Variants in TET1 observed in about 807,000 individuals in gnomAD.
TET1 encodes the protein methylcytosine dioxygenase TET1.
TET1 carries 13 observed loss-of-function variants against 148.7 expected under a neutral mutation model. The observed-to-expected ratio is 0.09, with a 90% confidence interval of 0.06 to 0.14. TET1 has a LOEUF of 0.14. Among genes scored for constraint, TET1 ranks in the 10% least tolerant of loss-of-function variants. The pLI is 1.00. For missense variants in TET1, 2,182 were observed against 2,553.8 expected (o/e 0.85, Z 3.14); for synonymous variants, 907 against 937.2 (o/e 0.97, Z 0.59).
chr10:68,670,421 A>G (rs910684948), intron 7 of TET1, among the ~76,000 whole-genome samples: 4 of 152,206 alleles, frequency 2.6e-5, no homozygotes, highest in African/African-American at 9.7e-5. Context: ...CAGGCTATGA[A>G]ATACAACCTA....
chr10:68,650,437 G>A (rs1020463579), intron 4 of TET1, among the ~76,000 whole-genome samples: 2 of 152,074 alleles, frequency 1.3e-5, no homozygotes, highest in South Asian at 2.1e-4. Context: ...GAGGTCAGGA[G>A]TTCGAGACCA....
intron 2 of TET1, among the ~76,000 whole-genome samples, chr10:68,588,927 G>A (rs1040694111): frequency 1.3e-5 from 2 of 151,794 alleles, no homozygotes; most frequent in African/African-American, 4.8e-5. Context: ...TTTGAGACAA[G>A]CCTGGGTAAC....
chr10:68,682,981 C>G lies in TET1; in HGVS notation c.5052+8C>G, dbSNP rs1480213522. The G allele has an allele frequency of 1.6e-5, 26 of 1,612,152 alleles. No individual in the cohort carries two copies. Among genetic ancestry groups the G allele is most frequent in the Non-Finnish European group, 2.1e-5 (25 of 1,179,726 alleles). On this transcript the variant is annotated splice_region_variant and intron_variant, in intron 10 of 11. Transcript: ENST00000373644. ...AATAATGGAAGCACTGTGGTATGTACCTGTGTGAATTTGTATTCTAAAAGC... is the reference window on the plus strand; with the variant it reads ...AATAATGGAAGCACTGTGGTATGTAGCTGTGTGAATTTGTATTCTAAAAGC...
At position 68,691,745 on chromosome 10, in the gene TET1, T is replaced by C. The variant is rs1288099778; in HGVS notation, c.6342T>C (p.His2114=). ...IPSHKALTLT[H]DNVVTVSPYA... is the part of the protein sequence containing the mutation. ...CTCATAAAGCATTAACATTAACCCA[T>C]GACAATGTTGTCACCGTGTCCCCTT... Residue 2114 remains histidine (H), a synonymous_variant, in exon 12 of 12, where the codon CAT becomes CAC. Coordinates refer to ENST00000373644, the MANE Select transcript of TET1 (RefSeq NM_030625.3). This position sits in a 1 kb window ranked among gnomAD's most constrained non-coding sequence, Gnocchi z 4.4. 2.5e-6 allele frequency: 4 copies of C among 1,614,072 alleles called. No individual in the cohort carries two copies. In the African/African-American group the frequency reaches 4.0e-5, roughly 16 times the overall value.
At chr10:68,661,063 T>C (rs1321761019) in intron 6 of TET1, among the ~76,000 whole-genome samples, 2 of 150,114 alleles carry the variant, frequency 1.3e-5, no homozygotes, top group South Asian at 2.1e-4. Flanking sequence ...AGAGTCTTGC[T>C]CTGTCGCCCA....
chr10:68,653,123 T>C (rs2054964801), intron 6 of TET1, among the ~76,000 whole-genome samples: 1 of 151,942 alleles, frequency 6.6e-6, no homozygotes, highest in Non-Finnish European at 1.5e-5. Flanking sequence ...TTACCACTTG[T>C]AGGTTATAAA....
Position 68,692,756 on chromosome 10 carries a change from C to T in TET1, c.*942C>T, listed in dbSNP as rs200403030. ...TGGAACTAGGTAAGAGTGGTCTCTT[C>T]TTATTGAACAACCTCAATTTAGTTT... On this transcript the variant is annotated 3_prime_UTR_variant, in exon 12 of 12. Coordinates refer to ENST00000373644, the MANE Select transcript of TET1 (RefSeq NM_030625.3). 1 of 230,842 alleles carries T rather than the reference C, an allele frequency of 4.3e-6. No individual in the cohort carries two copies. Among genetic ancestry groups the T allele is most frequent in the East Asian group, 6.2e-5 (1 of 16,108 alleles). 14.3% of individuals were successfully genotyped at this position (230,842 alleles called of 1,614,324 possible).
chr10:68,600,354 T>TG (rs984452845), intron 2 of TET1, among the ~76,000 whole-genome samples: 3 of 152,060 alleles, frequency 2.0e-5, no homozygotes, highest in Non-Finnish European at 4.4e-5. Context: ...GGGGGATTTG[T>TG]GTGCATTGTT....
chr10:68,657,518 G>A (rs1027759133), intron 6 of TET1, among the ~76,000 whole-genome samples: 1 of 152,036 alleles, frequency 6.6e-6, no homozygotes, highest in African/African-American at 2.4e-5. Flanking sequence ...GTGCACCTGT[G>A]GTCCCAGCTA....
intron 3 of TET1, among the ~76,000 whole-genome samples, chr10:68,609,571 G>C (rs1276201538): frequency 6.6e-6 from 1 of 152,168 alleles, no homozygotes; most frequent in Non-Finnish European, 1.5e-5. Flanking sequence ...CTCCTCAAGT[G>C]TTATCCCACA....
chr10:68,655,835 C>T (rs2055013630), intron 6 of TET1, among the ~76,000 whole-genome samples: 1 of 152,112 alleles, frequency 6.6e-6, no homozygotes, highest in Non-Finnish European at 1.5e-5. Context: ...GAGCCATGGG[C>T]CAATAGGAAC....
chr10:68,567,910 A>G (rs1007871009), intron 1 of TET1, among the ~76,000 whole-genome samples: 10 of 152,000 alleles, frequency 6.6e-5, no homozygotes, highest in Admixed American at 2.0e-4. Flanking sequence ...GAGTTCCTAC[A>G]CCATGAGATG....
intron 10 of TET1, among the ~76,000 whole-genome samples, chr10:68,684,635 C>T (rs1484232263): frequency 2.0e-5 from 3 of 152,156 alleles, no homozygotes; most frequent in Non-Finnish European, 2.9e-5. Flanking sequence ...GCCCGGATTA[C>T]TCACTCAATG....
At chr10:68,641,879 G>C (rs2054761058) in intron 3 of TET1, among the ~76,000 whole-genome samples, 1 of 152,108 alleles carries the variant, frequency 6.6e-6, no homozygotes, top group Admixed American at 6.6e-5. Flanking sequence ...TCTCACTGCA[G>C]CCTTGAACTC....
intron 2 of TET1, among the ~76,000 whole-genome samples, chr10:68,582,690 C>T (rs539416018): frequency 1.9e-4 from 29 of 152,188 alleles, no homozygotes; most frequent in African/African-American, 6.3e-4. Flanking sequence ...GCTAGCCTCT[C>T]TTGGCCATTG....
At chr10:68,576,508 C>G (rs530774311) in intron 2 of TET1, among the ~76,000 whole-genome samples, 210 of 152,008 alleles carry the variant, frequency 1.4e-3, no homozygotes, top group Non-Finnish European at 2.6e-3. Context: ...ACTAAAGATA[C>G]AAAACTAACT....
intron 1 of TET1, among the ~76,000 whole-genome samples, chr10:68,570,346 C>A (rs920711941): frequency 6.6e-6 from 1 of 152,032 alleles, no homozygotes; most frequent in Non-Finnish European, 1.5e-5. Flanking sequence ...CTCAGGTGAT[C>A]CACCTGCCTC....
chr10:68,587,127 T>C (rs2053870269), intron 2 of TET1, among the ~76,000 whole-genome samples: 1 of 152,238 alleles, frequency 6.6e-6, no homozygotes, highest in Non-Finnish European at 1.5e-5. Context: ...GAGATGACTA[T>C]GCCGCAGTTA....
At chr10:68,565,464 TAA>T (rs199760806) in intron 1 of TET1, among the ~76,000 whole-genome samples, 18 of 108,000 alleles carry the variant, frequency 1.7e-4, no homozygotes, top group African/African-American at 3.4e-4. Flanking sequence ...AGACCCTGTT[TAA>T]AAAAAAAAAA....
Sources: gnomAD v4.1 joint callset for allele counts (sites outside exome capture counted in the v4.1 genomes callset) on GRCh38, gnomAD v4.1.1 for gene constraint, Gnocchi (gnomAD v3.1) non-coding constraint, MANE v1.5 for transcripts, NCBI Gene and HGNC (gene_info 2026-07-23, HGNC 2026-07-21) for gene names.